Variants in DPP10 observed in about 807,000 individuals in gnomAD.
DPP10 encodes dipeptidyl peptidase like 10.
DPP10 carries 33 observed loss-of-function variants against 120.9 expected under a neutral mutation model. That is an observed-to-expected ratio of 0.27 (90% confidence interval 0.21 to 0.37). DPP10 has a LOEUF of 0.37. Ranked by LOEUF, DPP10 falls within the 10% of genes least tolerant of loss-of-function variation. The pLI is 1.00. For missense variants in DPP10, 816 were observed against 942.8 expected, an observed-to-expected ratio of 0.87 and a Z score of 1.76; for synonymous variants, 337 against 326.1, an observed-to-expected ratio of 1.03 and a Z score of -0.36.
At chr2:114,591,621 C>G (rs567280038) in intron 1 of DPP10, among the ~76,000 whole-genome samples, 1 of 143,050 alleles carries the variant, frequency 7.0e-6, no homozygotes, top group Non-Finnish European at 1.5e-5. Context: ...GTGGTGCAAT[C>G]TTGGCTCACT....
intron 1 of DPP10, among the ~76,000 whole-genome samples, chr2:114,653,059 T>TGTGTGTGTGTGTGTGTGTGTGTG (rs34619030): frequency 6.6e-6 from 1 of 151,012 alleles, no homozygotes; most frequent in African/African-American, 2.4e-5. Context: ...TGTGTGTGTG[T>TGTGTGTGTGTGTGTGTGTGTGTG]TTTACTACCT....
At chr2:114,795,289 C>G (rs528219432) in intron 1 of DPP10, among the ~76,000 whole-genome samples, 3 of 151,282 alleles carry the variant, frequency 2.0e-5, no homozygotes, top group African/African-American at 4.9e-5. Flanking sequence ...TTGAGACCAA[C>G]CTAGCCAACA....
chr2:115,408,110 T>C (rs2068664998), intron 3 of DPP10, among the ~76,000 whole-genome samples: 1 of 152,034 alleles, frequency 6.6e-6, no homozygotes, highest in South Asian at 2.1e-4. Context: ...GTGCCATCCA[T>C]GGGTGTTAAA....
At chr2:114,993,410 G>C (rs1574651070) in intron 1 of DPP10, among the ~76,000 whole-genome samples, 2 of 151,100 alleles carry the variant, frequency 1.3e-5, no homozygotes, top group East Asian at 3.9e-4. Flanking sequence ...AGTCATCTAG[G>C]GTTAAGATTT....
At chr2:115,758,060 T>C (rs1042856220) in intron 11 of DPP10, among the ~76,000 whole-genome samples, 5 of 152,024 alleles carry the variant, frequency 3.3e-5, no homozygotes, top group Non-Finnish European at 7.4e-5. Flanking sequence ...GGAATCAGTA[T>C]AGTGTTAGGA....
chr2:115,554,709 C>T (rs1369679078), intron 5 of DPP10, among the ~76,000 whole-genome samples: 2 of 152,038 alleles, frequency 1.3e-5, no homozygotes, highest in Non-Finnish European at 1.5e-5. Flanking sequence ...TTTAAAAATA[C>T]AAAAGGTCTG....
intron 1 of DPP10, among the ~76,000 whole-genome samples, chr2:115,138,390 A>C (rs187165023): frequency 6.6e-6 from 1 of 152,184 alleles, no homozygotes; most frequent in Non-Finnish European, 1.5e-5. Context: ...TTGATTGTGC[A>C]TTCTATTGGT....
chr2:115,035,469 G>A (rs1295419970), intron 1 of DPP10, among the ~76,000 whole-genome samples: 1 of 152,136 alleles, frequency 6.6e-6, no homozygotes, highest in Non-Finnish European at 1.5e-5. Context: ...TGAAGGAGGA[G>A]CTTCAGGTTT....
At chr2:114,837,870 G>A (rs1239183859) in intron 1 of DPP10, among the ~76,000 whole-genome samples, 2 of 152,158 alleles carry the variant, frequency 1.3e-5, no homozygotes, top group East Asian at 1.9e-4. Flanking sequence ...TCTATTGCAG[G>A]TGGTGGATAC....
At chr2:114,904,290 C>T (rs1011727305) in intron 1 of DPP10, among the ~76,000 whole-genome samples, 2 of 152,110 alleles carry the variant, frequency 1.3e-5, no homozygotes, top group African/African-American at 4.8e-5. Context: ...AAATGAGGAA[C>T]ATAGTATTGG....
chr2:114,587,799 GCA>G (rs1420251035), intron 1 of DPP10, among the ~76,000 whole-genome samples: 1 of 152,200 alleles, frequency 6.6e-6, no homozygotes, highest in Non-Finnish European at 1.5e-5. Flanking sequence ...CATGGTGGGA[GCA>G]CATAGTACAT....
At chr2:115,158,982 T>G (rs1184458733) in intron 1 of DPP10, among the ~76,000 whole-genome samples, 1 of 138,012 alleles carries the variant, frequency 7.2e-6, no homozygotes, top group Non-Finnish European at 1.5e-5. Flanking sequence ...ATCTATTGAG[T>G]TTTTTTTTTT....
chr2:114,760,407 G>A (rs1680177449), intron 1 of DPP10, among the ~76,000 whole-genome samples: 1 of 152,074 alleles, frequency 6.6e-6, no homozygotes, highest in South Asian at 2.1e-4. Flanking sequence ...GCAGACTCCA[G>A]GTATACCTGT....
At chr2:115,215,880 A>G (rs374310581) in intron 1 of DPP10, among the ~76,000 whole-genome samples, 1 of 152,184 alleles carries the variant, frequency 6.6e-6, no homozygotes, top group Non-Finnish European at 1.5e-5. Flanking sequence ...ACTATTCACA[A>G]TAGCAAATAT....
chr2:115,692,780 A>G (rs900348371), intron 7 of DPP10, among the ~76,000 whole-genome samples: 4 of 152,124 alleles, frequency 2.6e-5, no homozygotes, highest in Admixed American at 1.3e-4. Flanking sequence ...TTGGAAAATG[A>G]CTATTTTTCA....
chr2:115,421,164 A>G (rs1368220251), intron 3 of DPP10, among the ~76,000 whole-genome samples: 1 of 151,696 alleles, frequency 6.6e-6, no homozygotes, highest in African/African-American at 2.4e-5. Flanking sequence ...AATCTCTACC[A>G]TATGTTCAGT....
At chr2:115,195,970 A>C (rs1417321557) in intron 1 of DPP10, among the ~76,000 whole-genome samples, 3 of 152,242 alleles carry the variant, frequency 2.0e-5, no homozygotes, top group Non-Finnish European at 4.4e-5. Context: ...GTGGAACAGA[A>C]GCAGAGATAA....
At chr2:114,961,634 A>G (rs1353019554) in intron 1 of DPP10, among the ~76,000 whole-genome samples, 3 of 152,162 alleles carry the variant, frequency 2.0e-5, no homozygotes, top group African/African-American at 7.2e-5. Context: ...AATCTGAGAA[A>G]TAACTAAGGG....
chr2:114,915,795 A>G (rs115904615), intron 1 of DPP10, among the ~76,000 whole-genome samples: 1,648 of 152,336 alleles, frequency 0.011, 28 homozygotes, highest in African/African-American at 0.038. Flanking sequence ...GAAACTAATG[A>G]AAACAAAGAT....
Sources: allele counts gnomAD v4.1 joint callset (sites outside exome capture counted in the v4.1 genomes callset), GRCh38; gene constraint gnomAD v4.1.1; transcripts MANE v1.5; gene names NCBI Gene and HGNC (gene_info 2026-07-23, HGNC 2026-07-21).